TENM3: variants seen among roughly 807,000 people sequenced by gnomAD.
The protein encoded by TENM3 is teneurin transmembrane protein 3, also known as teneurin-3.
In TENM3, 63 loss-of-function variants were observed where a neutral mutation model predicts 255.1. The ratio of observed to expected loss-of-function variants is 0.25; its 90% CI spans 0.20 to 0.30. The LOEUF (loss-of-function observed/expected upper bound fraction) is 0.30, where lower values mean the gene tolerates loss of function less well. Ranked by LOEUF, TENM3 falls within the 10% of genes least tolerant of loss-of-function variation. TENM3 has a pLI of 1.00. For synonymous variants in TENM3, 1,306 were observed against 1,322.3 expected (o/e 0.99, Z 0.27); for missense variants, 2,929 against 3,461.1 (o/e 0.85, Z 3.86).
chr4:182,298,284 G>A (rs953177813), intron 1 of TENM3, among the ~76,000 whole-genome samples: 3 of 152,100 alleles, frequency 2.0e-5, no homozygotes, highest in African/African-American at 4.8e-5. Flanking sequence ...CCATATCCTA[G>A]TCCCTGAGAA....
intron 1 of TENM3, among the ~76,000 whole-genome samples, chr4:182,193,968 A>T (rs900898439): frequency 1.3e-5 from 2 of 152,218 alleles, no homozygotes; most frequent in African/African-American, 4.8e-5. Context: ...TAAATACTGC[A>T]TCAAATGGCG....
chr4:182,151,635 T>C (rs1429948072), intron 1 of TENM3, among the ~76,000 whole-genome samples: 6 of 151,936 alleles, frequency 3.9e-5, no homozygotes, highest in Non-Finnish European at 7.4e-5. Context: ...TCTTGAAGAA[T>C]AAATCTATGA....
the TENM3 span, among the ~76,000 whole-genome samples, chr4:182,048,087 T>G: frequency 6.6e-6 from 1 of 152,200 alleles, no homozygotes; most frequent in Non-Finnish European, 1.5e-5. Context: ...AATTCTCATA[T>G]AAGAACTCAT....
intron 3 of TENM3, among the ~76,000 whole-genome samples, chr4:182,527,216 C>A (rs1217429143): frequency 1.3e-5 from 2 of 152,094 alleles, no homozygotes; most frequent in African/African-American, 4.8e-5. Context: ...TATTTGTTGC[C>A]TACCTTATTT....
the TENM3 span, among the ~76,000 whole-genome samples, chr4:181,506,229 G>T: frequency 6.6e-6 from 1 of 152,044 alleles, no homozygotes; most frequent in Admixed American, 6.5e-5. Context: ...CTCTCATCCT[G>T]CCAGAAAGTT....
the TENM3 span, among the ~76,000 whole-genome samples, chr4:181,802,619 T>A: frequency 3.9e-5 from 6 of 152,256 alleles, no homozygotes; most frequent in African/African-American, 1.4e-4. Context: ...ACTATCTTGA[T>A]GCACTTTTCC....
chr4:181,701,532 T>A, the TENM3 span, among the ~76,000 whole-genome samples: 1 of 152,106 alleles, frequency 6.6e-6, no homozygotes, highest in Admixed American at 6.6e-5. Context: ...TTACGTTCTA[T>A]TTCAGTTGCC....
the TENM3 span, among the ~76,000 whole-genome samples, chr4:181,555,352 A>ATCTT: frequency 6.6e-6 from 1 of 152,236 alleles, no homozygotes; most frequent in East Asian, 1.9e-4. Flanking sequence ...AGCCACTAAA[A>ATCTT]ATTAGTTGCT....
At chr4:181,504,892 A>G in the TENM3 span, among the ~76,000 whole-genome samples, 4 of 152,290 alleles carry the variant, frequency 2.6e-5, no homozygotes, top group South Asian at 8.3e-4. Flanking sequence ...TAATAACATC[A>G]TAAATTTGTT....
chr4:182,027,607 GTGTGTCATA>G, the TENM3 span, among the ~76,000 whole-genome samples: 1 of 151,764 alleles, frequency 6.6e-6, no homozygotes, highest in African/African-American at 2.4e-5. Context: ...CTCGCTGTGG[GTGTGTCATA>G]TATGGCTTTT....
At chr4:181,641,308 A>C in the TENM3 span, among the ~76,000 whole-genome samples, 37 of 151,058 alleles carry the variant, frequency 2.4e-4, no homozygotes, top group African/African-American at 8.8e-4. Flanking sequence ...TACATTACGT[A>C]TTTCTCCTAA....
chr4:181,646,716 G>A, the TENM3 span, among the ~76,000 whole-genome samples: 8 of 152,262 alleles, frequency 5.3e-5, no homozygotes, highest in African/African-American at 1.4e-4. Context: ...GGACCGAGGC[G>A]CGTCTGACTC....
At chr4:181,480,091 G>C in the TENM3 span, among the ~76,000 whole-genome samples, 2 of 152,084 alleles carry the variant, frequency 1.3e-5, no homozygotes, top group African/African-American at 4.8e-5. Flanking sequence ...AGGATCAGCT[G>C]TGAGTTTATG....
intron 3 of TENM3, among the ~76,000 whole-genome samples, chr4:182,460,431 G>C (rs1439753164): frequency 6.6e-6 from 1 of 152,016 alleles, no homozygotes; most frequent in Non-Finnish European, 1.5e-5. Flanking sequence ...TCTATCATGG[G>C]GGAAAACATT....
the TENM3 span, among the ~76,000 whole-genome samples, chr4:181,675,453 C>T: frequency 2.0e-5 from 3 of 151,938 alleles, 1 homozygote; most frequent in South Asian, 6.2e-4. Context: ...TTATTACTAT[C>T]TGTTGCAATT....
the TENM3 span, among the ~76,000 whole-genome samples, chr4:181,681,489 C>T: frequency 6.6e-6 from 1 of 152,076 alleles, no homozygotes; most frequent in African/African-American, 2.4e-5. Flanking sequence ...ACTGTTTTTG[C>T]TACCCACAAC....
intron 13 of TENM3, among the ~76,000 whole-genome samples, chr4:182,720,066 A>G (rs1206184680): frequency 1.3e-5 from 2 of 152,066 alleles, no homozygotes; most frequent in Admixed American, 6.6e-5. Context: ...TGTCTCTCAC[A>G]CACACACACA....
chr4:182,285,299 G>C (rs775244864), intron 1 of TENM3, among the ~76,000 whole-genome samples: 6 of 151,944 alleles, frequency 3.9e-5, no homozygotes, highest in Non-Finnish European at 7.4e-5. Flanking sequence ...GATAGAATAT[G>C]GTATAAGGAA....
At chr4:182,509,937 CAAAAA>C (rs55817843) in intron 3 of TENM3, among the ~76,000 whole-genome samples, 3 of 104,874 alleles carry the variant, frequency 2.9e-5, no homozygotes, top group African/African-American at 4.0e-5. Flanking sequence ...AACTCTGTCT[CAAAAA>C]AAAAAAAAAA....
Sources: gnomAD v4.1 joint callset for allele counts (sites outside exome capture counted in the v4.1 genomes callset) on GRCh38, gnomAD v4.1.1 for gene constraint, MANE v1.5 for transcripts, NCBI Gene and HGNC (gene_info 2026-07-23, HGNC 2026-07-21) for gene names.